PRIM2: variants seen among roughly 807,000 people sequenced by gnomAD.
PRIM2 encodes the protein DNA primase large subunit.
PRIM2 carries 39 observed loss-of-function variants against 67.3 expected under a neutral mutation model. The ratio of observed to expected loss-of-function variants is 0.58; its 90% CI spans 0.45 to 0.76. The LOEUF (loss-of-function observed/expected upper bound fraction) is 0.76. Among genes scored for constraint, PRIM2 ranks in the 30% least tolerant of loss-of-function variants. The pLI is 0.00. For synonymous variants in PRIM2, 143 were observed against 198.7 expected, an observed-to-expected ratio of 0.72 and a Z score of 2.36; for missense variants, 398 against 598.7, an observed-to-expected ratio of 0.66 and a Z score of 3.50.
chr6:57,241,097 A>G, the PRIM2 span, among the ~76,000 whole-genome samples: 10 of 151,712 alleles, frequency 6.6e-5, no homozygotes, highest in Non-Finnish European at 1.0e-4. Context: ...GGTGGTGGGC[A>G]CCTGTAGTCC....
At chr6:57,446,159 A>G (rs1219433147) in intron 7 of PRIM2, among the ~76,000 whole-genome samples, 1 of 152,112 alleles carries the variant, frequency 6.6e-6, no homozygotes, top group Non-Finnish European at 1.5e-5. Context: ...GCCAGATAGC[A>G]TTGTTTCTGA....
upstream of PRIM2, among the ~76,000 whole-genome samples, chr6:57,315,349 A>G (rs1045208139): frequency 5.1e-5 from 6 of 116,726 alleles, no homozygotes; most frequent in African/African-American, 2.1e-4. Flanking sequence ...GACCTAATTA[A>G]CATCCCTCTA....
rs1222119652 is a variant in PRIM2 at position 57,504,257 on chromosome 6, A to G, written c.694-3130A>G. ...GTACAAGTGTAGTTTTGTTACATGG[A>G]TATATTGTGTAGTGGTGAAGTCTAG... On this transcript the variant is annotated intron_variant, in intron 7 of 13. Transcript: ENST00000615550. 2.1e-4 allele frequency among the ~76,000 whole-genome samples: 32 copies of G among 152,022 alleles called. 1 individual carries two copies. Among genetic ancestry groups the G allele is most frequent in the African/African-American group, 7.2e-4 (30 of 41,398 alleles).
chr6:57,549,920 T>C (rs1296165088), intron 10 of PRIM2, among the ~76,000 whole-genome samples: 8 of 152,132 alleles, frequency 5.3e-5, no homozygotes, highest in Non-Finnish European at 5.9e-5. Context: ...ACCCTGTCTC[T>C]ACTAAAAAGA....
At chr6:57,266,790 C>A in the PRIM2 span, among the ~76,000 whole-genome samples, 50 of 152,276 alleles carry the variant, frequency 3.3e-4, no homozygotes, top group African/African-American at 1.1e-3. Context: ...AATTTTTGAT[C>A]AGTGCCAATT....
At position 57,396,557 on chromosome 6, in the gene PRIM2, A is replaced by C. The variant is rs1034069974; in HGVS notation, c.693+14389A>C. Among the ~76,000 whole-genome samples, 2 of 152,306 alleles carry C rather than the reference A, an allele frequency of 1.3e-5. 1 individual carries two copies. On this transcript the variant is annotated intron_variant, in intron 7 of 13. Coordinates refer to ENST00000615550, the MANE Select transcript of PRIM2 (RefSeq NM_000947.5). The stretch of plus-strand genomic sequence containing the variant: ...TATGTGAGTCCTTATGTGTTAGGTG[A>C]GTCTCTTGAAGGCAGCAGATAATTG...
the PRIM2 span, among the ~76,000 whole-genome samples, chr6:57,285,301 A>G: frequency 6.6e-6 from 1 of 152,012 alleles, no homozygotes; most frequent in African/African-American, 2.4e-5. Context: ...TGGTTCCAAA[A>G]CCTGGCAGAC....
chr6:57,286,442 G>A, the PRIM2 span, among the ~76,000 whole-genome samples: 298 of 152,224 alleles, frequency 2.0e-3, 2 homozygotes, highest in African/African-American at 6.8e-3. Context: ...AGAGGCCCCA[G>A]AAGTAACACC....
At chr6:57,324,434 T>C (rs1266042686) in intron 4 of PRIM2, 154 bp downstream of exon 4, 1 of 154,680 alleles carries the variant, frequency 6.5e-6, no homozygotes, top group African/African-American at 2.4e-5. Flanking sequence ...GTAAATTGTT[T>C]GGAAGAAATT....
intron 5 of PRIM2, among the ~76,000 whole-genome samples, chr6:57,357,506 T>C (rs1044884700): frequency 1.3e-5 from 2 of 152,192 alleles, no homozygotes; most frequent in African/African-American, 4.8e-5. Context: ...ACATTTCGTC[T>C]AATTCTGACT....
At position 57,566,451 on chromosome 6, in the gene PRIM2, T is replaced by C. The variant is rs1332933915; in HGVS notation, c.1020+28826T>C. On this transcript the variant is annotated intron_variant, in intron 10 of 13. Coordinates refer to ENST00000615550, the MANE Select transcript of PRIM2 (RefSeq NM_000947.5). ...TGGAATTCTTCTGTAAGAACATTTC[T>C]AAATCATCTTAAGTGTTTGGCTTCC... Among the ~76,000 whole-genome samples the C allele has an allele frequency of 1.4e-3, 210 of 152,310 alleles. 5 individuals carry two copies. The East Asian group carries it at 0.019, about 14-fold the overall frequency.
chr6:57,253,001 A>G, the PRIM2 span, among the ~76,000 whole-genome samples: 3 of 152,270 alleles, frequency 2.0e-5, no homozygotes, highest in South Asian at 6.2e-4. Context: ...AAAGAAACAG[A>G]CAAGAGAAAG....
intron 7 of PRIM2, among the ~76,000 whole-genome samples, chr6:57,485,011 A>G (rs1169917106): frequency 9.9e-5 from 15 of 152,216 alleles, no homozygotes; most frequent in African/African-American, 3.6e-4. Context: ...AGTACTCAAA[A>G]AAGTACTGTT....
At chr6:57,288,079 G>C in the PRIM2 span, among the ~76,000 whole-genome samples, 37 of 152,188 alleles carry the variant, frequency 2.4e-4, no homozygotes, top group Non-Finnish European at 8.8e-5. Flanking sequence ...CAAATACTGT[G>C]CTTTTCCCAT....
At chr6:57,564,999 C>T (rs1354126106) in intron 10 of PRIM2, among the ~76,000 whole-genome samples, 9 of 152,114 alleles carry the variant, frequency 5.9e-5, no homozygotes, top group Non-Finnish European at 1.2e-4. Context: ...CATAGTTGGC[C>T]ATCTCCTAAT....
chr6:57,574,533 A>G (rs1276582659), intron 10 of PRIM2, among the ~76,000 whole-genome samples: 2 of 152,086 alleles, frequency 1.3e-5, no homozygotes, highest in Admixed American at 6.5e-5. Context: ...TCAACTAGTT[A>G]TATAATTTGC....
At position 57,320,483 on chromosome 6, in the gene PRIM2, G is replaced by T; in HGVS notation, c.181G>T (p.Val61Leu). The T allele has an allele frequency of 6.2e-7, 1 of 1,607,236 alleles. No homozygotes were observed. ...KLLKSVENLG[V>L]SYVKGTEQYQ... ...GTTAAAATCAGTTGAAAATCTTGGA[G>T]TGAGCTATGTGAAAGGAACTGAACA... is the stretch of plus-strand genomic sequence containing the variant. Residue 61 changes from valine to leucine, a missense_variant, in exon 3 of 14, where the codon GTG becomes TTG. Physicochemically the swap from Val to Leu is conservative, Grantham distance 32. Coordinates refer to ENST00000615550, the MANE Select transcript of PRIM2 (RefSeq NM_000947.5).
chr6:57,404,691 G>A (rs1382883279), intron 7 of PRIM2, among the ~76,000 whole-genome samples: 1 of 152,122 alleles, frequency 6.6e-6, no homozygotes, highest in Non-Finnish European at 1.5e-5. Flanking sequence ...TCTGCAGTAT[G>A]TAAGATGTGA....
chr6:57,290,806 G>A, the PRIM2 span, among the ~76,000 whole-genome samples: 5 of 152,112 alleles, frequency 3.3e-5, no homozygotes, highest in African/African-American at 1.2e-4. Flanking sequence ...AAACCAATGC[G>A]AACAAAGACA....
Sources: gnomAD v4.1 joint callset for allele counts (sites outside exome capture counted in the v4.1 genomes callset) on GRCh38, gnomAD v4.1.1 for gene constraint, MANE v1.5 for transcripts, NCBI Gene and HGNC (gene_info 2026-07-23, HGNC 2026-07-21) for gene names.